Variants in BICRAL observed in about 807,000 individuals in gnomAD.
BICRAL encodes BRD4-interacting chromatin-remodeling complex-associated protein-like.
BICRAL carries 8 observed loss-of-function variants against 91.8 expected under a neutral mutation model. The ratio of observed to expected loss-of-function variants is 0.09; its 90% CI spans 0.05 to 0.16. The LOEUF (loss-of-function observed/expected upper bound fraction) is 0.16, where lower values mean the gene tolerates loss of function less well. BICRAL is among the 10% of genes least tolerant of loss of function. The pLI is 1.00. For synonymous variants in BICRAL, 445 were observed against 491.1 expected, an observed-to-expected ratio of 0.91 and a Z score of 1.24; for missense variants, 1,038 against 1,310.9, an observed-to-expected ratio of 0.79 and a Z score of 3.21.
Position 42,827,055 on chromosome 6 carries a change from G to C in BICRAL, c.160-1438G>C, listed in dbSNP as rs117448892. Among the ~76,000 whole-genome samples the C allele has an allele frequency of 6.3e-3, 959 of 152,250 alleles. 51 individuals are homozygous for C. The East Asian group carries it at 0.13, about 20-fold the overall frequency. On this transcript the variant is annotated intron_variant, in intron 5 of 12. Transcript: ENST00000314073. ...CCCGCCTCAGCCTCCCAAAGTGCTG[G>C]GATTAATAGGTGTGAGCCACCGCGC...
intron 1 of BICRAL, among the ~76,000 whole-genome samples, chr6:42,790,816 A>T (rs1452473189): frequency 6.6e-6 from 1 of 151,964 alleles, no homozygotes; most frequent in Non-Finnish European, 1.5e-5. Context: ...TTGCTTGATG[A>T]ATAATGTTCT....
At position 42,806,600 on chromosome 6, in the gene BICRAL, C is replaced by T. The variant is rs540083537; in HGVS notation, c.-101-3706C>T. On this transcript the variant is annotated intron_variant, in intron 1 of 12. Coordinates refer to ENST00000314073, the MANE Select transcript of BICRAL (RefSeq NM_001393499.1). ...CCATCTTGGTTCACTGCAACCTCCA[C>T]CTCCCAGGCTCCATTGATCCTCCCG... 1.5e-3 allele frequency among the ~76,000 whole-genome samples: 234 copies of T among 151,246 alleles called. 1 individual carries two copies. Among genetic ancestry groups the T allele is most frequent in the African/African-American group, 5.3e-3 (220 of 41,176 alleles).
At chr6:42,854,750 G>T (rs1765294248) in intron 8 of BICRAL, among the ~76,000 whole-genome samples, 3 of 151,838 alleles carry the variant, frequency 2.0e-5, no homozygotes, top group Non-Finnish European at 1.5e-5. Flanking sequence ...GAAACTCCTG[G>T]GCTCAAGCAA....
chr6:42,771,730 A>G (rs1309496345), intron 1 of BICRAL, among the ~76,000 whole-genome samples: 1 of 152,142 alleles, frequency 6.6e-6, no homozygotes, highest in East Asian at 1.9e-4. Flanking sequence ...TGTTTTTAAA[A>G]ATTGCTGTTA....
intron 7 of BICRAL, 177 bp downstream of exon 7, chr6:42,852,374 G>A: frequency 1.4e-6 from 1 of 693,996 alleles, no homozygotes; most frequent in Non-Finnish European, 2.6e-6. Flanking sequence ...CTCTAAGATA[G>A]CATTGGGCCG....
chr6:42,746,339 A>G (rs1220527537), upstream of BICRAL, among the ~76,000 whole-genome samples: 1 of 152,074 alleles, frequency 6.6e-6, no homozygotes, highest in Non-Finnish European at 1.5e-5. Context: ...TTAAAGGGGC[A>G]GGACTTATAT....
intron 1 of BICRAL, among the ~76,000 whole-genome samples, chr6:42,807,480 G>A (rs1035038042): frequency 3.3e-5 from 5 of 151,770 alleles, no homozygotes; most frequent in Non-Finnish European, 7.4e-5. Flanking sequence ...ACCACACCCG[G>A]CCTTCATATT....
At chr6:42,857,637 T>TATATATATATATA (rs1554283197) in intron 10 of BICRAL, among the ~76,000 whole-genome samples, 4 of 94,174 alleles carry the variant, frequency 4.2e-5, no homozygotes, top group African/African-American at 1.4e-4. Context: ...ATATATATAT[T>TATATATATATATA]TTTTAGGAGG....
upstream of BICRAL, among the ~76,000 whole-genome samples, chr6:42,746,755 G>A (rs1762282536): frequency 1.3e-5 from 2 of 152,054 alleles, no homozygotes; most frequent in Admixed American, 6.6e-5. Context: ...CGCGGCCTGG[G>A]GGCTCCTGGA....
chr6:42,802,525 T>G (rs1043025071), intron 1 of BICRAL, among the ~76,000 whole-genome samples: 1 of 152,068 alleles, frequency 6.6e-6, no homozygotes, highest in Admixed American at 6.6e-5. Context: ...CTCGGCTCAC[T>G]GCAACCTCCG....
rs1490997211 is a variant in BICRAL at position 42,829,728 on chromosome 6, C to T, written c.1395C>T (p.Asn465=). 1 of 1,614,022 alleles carries T rather than the reference C, an allele frequency of 6.2e-7. No homozygotes were observed. The highest frequency in any genetic ancestry group is 1.7e-5 in the Admixed American group (1 of 60,000). The change falls in exon 6 of 13, where the codon AAC becomes AAT. Residue 465 remains asparagine (N), a synonymous_variant. Transcript: ENST00000314073. ...NQPYTGPMLN[N]QNTAVHLVSG... is the part of the protein sequence containing the mutation. ...CATATACTGGACCGATGCTTAACAA[C>T]CAGAATACTGCTGTCCACTTAGTGT...
At chr6:42,822,089 G>A in intron 3 of BICRAL, 26 bp downstream of exon 3, 1 of 1,527,602 alleles carries the variant, frequency 6.5e-7, no homozygotes. Context: ...CAAAACCTGG[G>A]TAAATCAAAT....
At position 42,845,195 on chromosome 6, in the gene BICRAL, G is replaced by GGTTTTTTTTTTTTTTTTTTTTTT. The variant is rs1562490931; in HGVS notation, c.1840-6897_1840-6896insGTTTTTTTTTTTTTTTTTTTTTT. Among the ~76,000 whole-genome samples, 3 of 25,612 alleles carry GGTTTTTTTTTTTTTTTTTTTTTT rather than the reference G, an allele frequency of 1.2e-4. 1 individual carries two copies. Among genetic ancestry groups the GGTTTTTTTTTTTTTTTTTTTTTT allele is most frequent in the Non-Finnish European group, 1.7e-4 (2 of 11,780 alleles). The allele number at this position is 25,612 out of a possible 152,430, so 16.8% of individuals were successfully genotyped here. On this transcript the variant is annotated intron_variant, in intron 6 of 12. Coordinates refer to ENST00000314073, the MANE Select transcript of BICRAL (RefSeq NM_001393499.1). ...CTTCTCTGTTTTTTGTTTTTTGGGTGTTTTTTTTTTTTTTTTTTTTTTTTT... is the reference window on the plus strand; with the variant it reads ...CTTCTCTGTTTTTTGTTTTTTGGGTGGTTTTTTTTTTTTTTTTTTTTTTTTTTTTTTTTTTTTTTTTTTTTTTT...
intron 11 of BICRAL, 152 bp from the exon 12 acceptor site, chr6:42,862,358 G>GTGCA: frequency 1.6e-6 from 1 of 614,518 alleles, no homozygotes; most frequent in Non-Finnish European, 3.0e-6. Flanking sequence ...GTGATAGTGG[G>GTGCA]TGCACACCAG....
chr6:42,825,634 G>A (rs1329012604), intron 5 of BICRAL, among the ~76,000 whole-genome samples: 2 of 151,864 alleles, frequency 1.3e-5, no homozygotes, highest in Admixed American at 1.3e-4. Flanking sequence ...GCTGAGGCAG[G>A]ATCCCTTGAG....
intron 1 of BICRAL, among the ~76,000 whole-genome samples, chr6:42,747,734 A>G (rs937111213): frequency 1.3e-5 from 2 of 150,900 alleles, no homozygotes; most frequent in Non-Finnish European, 2.9e-5. Context: ...GTGCATAGTC[A>G]TCGTTTTCAC....
At chr6:42,780,316 T>C (rs966811224), upstream of BICRAL, among the ~76,000 whole-genome samples, 4 of 152,212 alleles carry the variant, frequency 2.6e-5, no homozygotes, top group African/African-American at 7.2e-5. Flanking sequence ...AAAGGTGTAC[T>C]ACCATTACAT....
At position 42,868,277 on chromosome 6, in the gene BICRAL, C is replaced by G. The variant is rs945118160; in HGVS notation, c.*2831C>G. The G allele has an allele frequency of 6.6e-6, 1 of 152,320 alleles. No homozygotes were observed. The highest frequency in any genetic ancestry group is 2.4e-5 in the African/African-American group (1 of 41,352). The allele number at this position is 152,320 out of a possible 1,614,324, so 9.4% of individuals were successfully genotyped here. A position where few individuals can be genotyped will look rare whatever the true frequency, so the allele number is the denominator to read the frequency against. Reference sequence around the variant, plus strand: ...GACTTTACTTAAAGAGGACGCGTCACTCGCTGTCAGTGTGGTGTGGGCTTT... The same window carrying G: ...GACTTTACTTAAAGAGGACGCGTCAGTCGCTGTCAGTGTGGTGTGGGCTTT... On this transcript the variant is annotated 3_prime_UTR_variant, in exon 13 of 13. Coordinates refer to ENST00000314073, the MANE Select transcript of BICRAL (RefSeq NM_001393499.1).
At chr6:42,824,054 G>A (rs970414868) in intron 5 of BICRAL, among the ~76,000 whole-genome samples, 5 of 152,004 alleles carry the variant, frequency 3.3e-5, no homozygotes, top group African/African-American at 7.2e-5. Flanking sequence ...GGGCCAACAC[G>A]GTGAAACCCC....
Sources: allele counts gnomAD v4.1 joint callset (sites outside exome capture counted in the v4.1 genomes callset), GRCh38; gene constraint gnomAD v4.1.1; transcripts MANE v1.5; gene names NCBI Gene and HGNC (gene_info 2026-07-23, HGNC 2026-07-21).